Variants in STRBP observed in about 807,000 individuals in gnomAD.
STRBP encodes spermatid perinuclear RNA binding protein, also known as spermatid perinuclear RNA-binding protein.
Under a neutral mutation model 80.1 loss-of-function variants are expected in STRBP, and 13 were observed. The observed-to-expected ratio is 0.16, with a 90% CI of 0.11 to 0.26. STRBP has a LOEUF of 0.26. Among genes scored for constraint, STRBP ranks in the 10% least tolerant of loss-of-function variants. The pLI is 1.00. For synonymous variants in STRBP, 284 were observed against 291.2 expected, an observed-to-expected ratio of 0.98 and a Z score of 0.25; for missense variants, 485 against 815.2, an observed-to-expected ratio of 0.59 and a Z score of 4.93.
chr9:123,180,889 T>C, intron 3 of STRBP: 1 of 973,712 alleles, frequency 1.0e-6, no homozygotes, highest in African/African-American at 1.8e-5. Context: ...TGTTAGTACA[T>C]GGTAAATATT....
At chr9:123,223,372 T>C (rs527620862) in intron 2 of STRBP, among the ~76,000 whole-genome samples, 1 of 152,220 alleles carries the variant, frequency 6.6e-6, no homozygotes, top group East Asian at 1.9e-4. Context: ...TAATAACATA[T>C]CAATATTTGC....
intron 2 of STRBP, among the ~76,000 whole-genome samples, chr9:123,186,253 T>C (rs923997164): frequency 6.6e-6 from 1 of 151,874 alleles, no homozygotes; most frequent in African/African-American, 2.4e-5. Context: ...GAGGCTGAGG[T>C]GGAATGATCA....
chr9:123,159,239 G>T, intron 8 of STRBP, 32 bp from the exon 9 acceptor site: 1 of 1,461,408 alleles, frequency 6.8e-7, no homozygotes, highest in Non-Finnish European at 9.6e-7. Flanking sequence ...ATTAGTACAT[G>T]CACCAAGTGT....
chr9:123,147,366 T>C (rs2036855995), intron 12 of STRBP, among the ~76,000 whole-genome samples: 1 of 152,092 alleles, frequency 6.6e-6, no homozygotes, highest in East Asian at 1.9e-4. Context: ...AAAACTCTAA[T>C]TCAAATCAAT....
At chr9:123,157,975 C>A (rs773253075) in intron 11 of STRBP, 37 bp downstream of exon 11, 1 of 1,457,850 alleles carries the variant, frequency 6.9e-7, no homozygotes, top group Non-Finnish European at 9.6e-7. Context: ...TCTACCAGTG[C>A]CAACCCCCAA....
chr9:123,240,964 G>C (rs1018344472), intron 1 of STRBP, among the ~76,000 whole-genome samples: 3 of 152,162 alleles, frequency 2.0e-5, no homozygotes, highest in Non-Finnish European at 4.4e-5. Flanking sequence ...TGGATCATCT[G>C]TGGTTGGGAG....
chr9:123,112,160 G>C (rs1269811723), intron 3 of STRBP: 2 of 166,452 alleles, frequency 1.2e-5, no homozygotes, highest in African/African-American at 4.8e-5. Flanking sequence ...CCAGAGACAA[G>C]GCTGGGCCCC....
At position 123,133,076 on chromosome 9, in the gene STRBP, A is replaced by G. The variant is rs1356378333; in HGVS notation, c.1774-108T>C. 8 of 1,379,414 alleles carry G rather than the reference A, an allele frequency of 5.8e-6. No homozygotes were observed. The African/African-American group carries it at 7.2e-5, about 12-fold the overall frequency. The allele number at this position is 1,379,414 out of a possible 1,614,324, so 85.4% of individuals were successfully genotyped here. ...ATGAGAAACTGTGAGCACGTGGGTGAGACCATGAGCTGTCTGTGATCTTGA... is the reference window on the plus strand; with the variant it reads ...ATGAGAAACTGTGAGCACGTGGGTGGGACCATGAGCTGTCTGTGATCTTGA... On this transcript the variant is annotated intron_variant, in intron 16 of 18. Transcript: ENST00000348403.
intron 1 of STRBP, among the ~76,000 whole-genome samples, chr9:123,239,878 C>T (rs2040656836): frequency 6.6e-6 from 1 of 152,164 alleles, no homozygotes; most frequent in South Asian, 2.1e-4. Context: ...TATAAACAGT[C>T]TTATCTTCAC....
intron 3 of STRBP, chr9:123,112,222 G>A (rs959473092): frequency 1.4e-4 from 24 of 166,980 alleles, no homozygotes; most frequent in Non-Finnish European, 3.4e-4. Flanking sequence ...GTCCCGCCTC[G>A]TCAGCATCCT....
At chr9:123,222,923 C>CA (rs2040111931) in intron 2 of STRBP, among the ~76,000 whole-genome samples, 1 of 149,756 alleles carries the variant, frequency 6.7e-6, no homozygotes, top group Non-Finnish European at 1.5e-5. Context: ...GAACTGGAAG[C>CA]AAAAAAGATG....
intron 11 of STRBP, among the ~76,000 whole-genome samples, chr9:123,150,369 AGTATCT>A (rs2036999772): frequency 6.6e-6 from 1 of 152,122 alleles, no homozygotes; most frequent in Non-Finnish European, 1.5e-5. Flanking sequence ...ACAAACAATA[AGTATCT>A]GTTCCTGGGC....
rs534135185 is a variant in STRBP, at chr9:123,153,041, T to A, written c.1045+4971A>T. Among the ~76,000 whole-genome samples the A allele has an allele frequency of 6.6e-5, 10 of 152,146 alleles. No homozygotes were observed. The South Asian group carries it at 2.1e-3, about 32-fold the overall frequency. ...AGTTGAAGAGGGGTGGTGTTCTCCA[T>A]AAAGAGAATTGCTTCTTTGTGGAGA... On this transcript the variant is annotated intron_variant, in intron 11 of 18. Transcript: ENST00000348403.
At chr9:123,216,158 G>A (rs927991864) in intron 2 of STRBP, among the ~76,000 whole-genome samples, 2 of 152,048 alleles carry the variant, frequency 1.3e-5, no homozygotes, top group African/African-American at 4.8e-5. Flanking sequence ...GACCTGTACC[G>A]CTACCCCCTT....
downstream of STRBP, among the ~76,000 whole-genome samples, chr9:123,121,127 A>T (rs980539098): frequency 6.6e-6 from 1 of 152,226 alleles, no homozygotes. Context: ...ACTCAGTACT[A>T]GTCAGCTATA....
chr9:123,199,420 G>A (rs564964120), intron 2 of STRBP, among the ~76,000 whole-genome samples: 1 of 152,306 alleles, frequency 6.6e-6, no homozygotes, highest in African/African-American at 2.4e-5. Context: ...TGTGAAAAAT[G>A]ATGTTGGTAT....
intron 13 of STRBP, among the ~76,000 whole-genome samples, chr9:123,142,739 C>A (rs2036642980): frequency 6.6e-6 from 1 of 150,890 alleles, no homozygotes; most frequent in Non-Finnish European, 1.5e-5. Context: ...TTCCTGATAA[C>A]ACACTTTTTT....
intron 11 of STRBP, among the ~76,000 whole-genome samples, chr9:123,148,854 A>AC (rs2036933594): frequency 1.5e-4 from 23 of 152,186 alleles, no homozygotes; most frequent in Admixed American, 1.5e-3. Context: ...TGTATCTTAC[A>AC]AACTACCTTA....
intron 17 of STRBP, among the ~76,000 whole-genome samples, chr9:123,129,561 TCACCCTTGA>T (rs755916423): frequency 6.6e-6 from 1 of 152,168 alleles, no homozygotes; most frequent in Non-Finnish European, 1.5e-5. Flanking sequence ...CAACTGCAAC[TCACCCTTGA>T]GAACAGGATC....
Sources: gnomAD v4.1 joint callset for allele counts (sites outside exome capture counted in the v4.1 genomes callset) on GRCh38, gnomAD v4.1.1 for gene constraint, MANE v1.5 for transcripts, NCBI Gene and HGNC (gene_info 2026-07-23, HGNC 2026-07-21) for gene names.